The following SHROOM2 variants were observed in gnomAD, a reference collection of about 807,000 sequenced individuals.
The protein encoded by SHROOM2 is shroom family member 2.
A neutral mutation model predicts 75.9 loss-of-function variants in SHROOM2; 33 were observed. The ratio of observed to expected loss-of-function variants is 0.43; its 90% CI spans 0.33 to 0.58. SHROOM2 has a LOEUF of 0.58. Among genes scored for constraint, SHROOM2 ranks in the 20% least tolerant of loss-of-function variants. The pLI is 0.04. For missense variants in SHROOM2, 1,434 were observed against 1,461.2 expected, an observed-to-expected ratio of 0.98 and a Z score of 0.30; for synonymous variants, 655 against 663.6, an observed-to-expected ratio of 0.99 and a Z score of 0.20.
rs200219705 is a variant in SHROOM2, at chrX:9,932,308, C to T, written c.3025C>T (p.Arg1009Trp). The T allele has an allele frequency of 5.3e-5, 64 of 1,204,773 alleles. No individual in the cohort carries two copies. In the Middle Eastern group the frequency reaches 9.2e-4, roughly 17 times the overall value. The change falls in exon 6 of 10, where the codon CGG becomes TGG. Residue 1009 changes from arginine to tryptophan, a missense_variant. This residue lies in a region of SHROOM2 where 1,340 missense variants were observed against 1,338.3 expected (regional missense o/e 1.00). Transcript: ENST00000380913. ...RGAPELPREG[R>W]GRAGTLPRDY... is the part of the protein sequence containing the mutation. ...AGCCCCAGAGCTGCCCCGGGAGGGC[C>T]GGGGCCGAGCGGGAACCCTACCTCG...
At position 9,915,933 on chromosome X, in the gene SHROOM2, C is replaced by T. The variant is rs369241859; in HGVS notation, c.2892-16242C>T. On this transcript the variant is annotated intron_variant, in intron 5 of 9. Coordinates refer to ENST00000380913, the MANE Select transcript of SHROOM2 (RefSeq NM_001649.4). ...TCTCTTAATTTATGAAGCTGATATGCTATTCTAACTAGTTTTTAATATATC... is the reference window on the plus strand; with the variant it reads ...TCTCTTAATTTATGAAGCTGATATGTTATTCTAACTAGTTTTTAATATATC... Among the ~76,000 whole-genome samples, 34 of 111,739 alleles carry T rather than the reference C, an allele frequency of 3.0e-4. 1 individual carries two copies. Among genetic ancestry groups the T allele is most frequent in the African/African-American group, 1.1e-3 (34 of 30,738 alleles).
At chrX:9,864,545 G>A (rs1266031403) in intron 1 of SHROOM2, among the ~76,000 whole-genome samples, 2 of 111,310 alleles carry the variant, frequency 1.8e-5, no homozygotes, top group Non-Finnish European at 3.8e-5. Flanking sequence ...TAGGCCGGGC[G>A]CGGTGGCTCA....
intron 5 of SHROOM2, among the ~76,000 whole-genome samples, chrX:9,914,669 T>G (rs902686067): frequency 4.5e-5 from 5 of 111,890 alleles, no homozygotes; most frequent in Admixed American, 3.8e-4. Context: ...TATTTAAAAT[T>G]CCTGAAAGTT....
At chrX:9,799,956 C>T (rs965111550) in intron 1 of SHROOM2, among the ~76,000 whole-genome samples, 8 of 111,558 alleles carry the variant, frequency 7.2e-5, no homozygotes, top group Non-Finnish European at 1.5e-4. Flanking sequence ...CTTCCTTTAC[C>T]TTCTCTAATT....
intron 5 of SHROOM2, among the ~76,000 whole-genome samples, chrX:9,912,107 AACACACACACACAC>A (rs61080253): frequency 0.024 from 626 of 26,441 alleles, 20 homozygotes; most frequent in African/African-American, 0.065. Flanking sequence ...CCTTTCTCCA[AACACACACACACAC>A]ACACACACAC....
At chrX:9,865,736 A>AT (rs1294960036) in intron 1 of SHROOM2, among the ~76,000 whole-genome samples, 1 of 107,984 alleles carries the variant, frequency 9.3e-6, no homozygotes, top group Non-Finnish European at 1.9e-5. Flanking sequence ...AATTTTTTGT[A>AT]TTTTTAGTAG....
chrX:9,824,434 C>T (rs1402588503), intron 1 of SHROOM2, among the ~76,000 whole-genome samples: 1 of 110,898 alleles, frequency 9.0e-6, no homozygotes, highest in African/African-American at 3.3e-5. Context: ...GCCGAAACTC[C>T]GTCTCAAAAA....
At chrX:9,915,597 C>T (rs1393423051) in intron 5 of SHROOM2, among the ~76,000 whole-genome samples, 1 of 111,799 alleles carries the variant, frequency 8.9e-6, no homozygotes, top group Non-Finnish European at 1.9e-5. Flanking sequence ...CTGGCGGACC[C>T]TTAAATGTAC....
At chrX:9,946,079 G>A (rs62588892) in intron 9 of SHROOM2, among the ~76,000 whole-genome samples, 498 of 113,000 alleles carry the variant, frequency 4.4e-3, no homozygotes, top group Non-Finnish European at 7.7e-3. Context: ...GAACTAGCTA[G>A]GTCAGGGTGG....
chrX:9,867,513 G>A (rs914326273), intron 1 of SHROOM2, among the ~76,000 whole-genome samples: 6 of 111,657 alleles, frequency 5.4e-5, no homozygotes, highest in African/African-American at 2.0e-4. Context: ...GTCACTAATC[G>A]GTGCAGTGCC....
In SHROOM2 at chrX:9,939,203, A is replaced by G; in HGVS notation, c.4148A>G (p.Glu1383Gly). The G allele has an allele frequency of 2.5e-6, 3 of 1,203,760 alleles. No homozygotes were observed. Among genetic ancestry groups the G allele is most frequent in the Non-Finnish European group, 3.4e-6 (3 of 891,665 alleles). The change falls in exon 8 of 10, where the codon GAG (glutamate) becomes GGG (glycine). Residue 1383 changes from glutamate (E) to glycine (G), a missense_variant. Physicochemically the swap from Glu to Gly is moderately conservative, Grantham distance 98. This residue lies in a region of SHROOM2 where 1,340 missense variants were observed against 1,338.3 expected (regional missense o/e 1.00). Coordinates refer to ENST00000380913, the MANE Select transcript of SHROOM2 (RefSeq NM_001649.4). Reference protein sequence around the residue: ...SPRSTEERKEEPSVPAAVSLA... With the variant: ...SPRSTEERKEGPSVPAAVSLA... ...CCCACACCTTTACCCAGGAAAGAGGAGCCCAGCGTGCCTGCGGCCGTGTCC... is the reference window on the plus strand; with the variant it reads ...CCCACACCTTTACCCAGGAAAGAGGGGCCCAGCGTGCCTGCGGCCGTGTCC...
At chrX:9,907,399 C>T (rs759412808) in intron 5 of SHROOM2, among the ~76,000 whole-genome samples, 24 of 111,099 alleles carry the variant, frequency 2.2e-4, no homozygotes, top group Non-Finnish European at 4.0e-4. Context: ...ACCAGAGCAC[C>T]CTCCCGGCTC....
At chrX:9,913,819 T>C (rs1489719289) in intron 5 of SHROOM2, among the ~76,000 whole-genome samples, 1 of 112,132 alleles carries the variant, frequency 8.9e-6, no homozygotes, top group Non-Finnish European at 1.9e-5. Flanking sequence ...TGGAAAATAA[T>C]ATTTTAATGT....
chrX:9,898,333 G>A (rs1436440320), intron 5 of SHROOM2, 43 bp downstream of exon 5: 1 of 1,023,976 alleles, frequency 9.8e-7, no homozygotes, highest in South Asian at 2.1e-5. Flanking sequence ...AGGCGTCTGA[G>A]GGTGGGCTTC....
intron 1 of SHROOM2, among the ~76,000 whole-genome samples, chrX:9,792,586 A>T (rs1032836047): frequency 9.1e-6 from 1 of 109,698 alleles, no homozygotes; most frequent in Non-Finnish European, 1.9e-5. Flanking sequence ...GGCTGGGATT[A>T]TCTTTCTTTT....
At chrX:9,881,130 C>T (rs2084229426) in intron 2 of SHROOM2, among the ~76,000 whole-genome samples, 1 of 111,161 alleles carries the variant, frequency 9.0e-6, no homozygotes, top group African/African-American at 3.3e-5. Flanking sequence ...ACGTCCAGAC[C>T]ATGTTTTGGT....
intron 2 of SHROOM2, among the ~76,000 whole-genome samples, chrX:9,890,060 G>A (rs967695094): frequency 2.7e-5 from 3 of 112,728 alleles, no homozygotes; most frequent in African/African-American, 9.7e-5. Flanking sequence ...TATTTATGGA[G>A]GAACACATTT....
intron 3 of SHROOM2, 45 bp from the exon 4 acceptor site, chrX:9,894,313 G>A: frequency 8.6e-7 from 1 of 1,157,328 alleles, no homozygotes; most frequent in African/African-American, 1.8e-5. Flanking sequence ...TGCCATTGCT[G>A]TTGCTAAAGC....
intron 2 of SHROOM2, among the ~76,000 whole-genome samples, chrX:9,882,386 G>T (rs1022617368): frequency 2.7e-5 from 3 of 111,190 alleles, no homozygotes; most frequent in Admixed American, 9.6e-5. Context: ...CCAGGAAATT[G>T]TGTGGGTGCC....
Sources: allele counts gnomAD v4.1 joint callset (sites outside exome capture counted in the v4.1 genomes callset), GRCh38; gene constraint gnomAD v4.1.1; regional missense constraint gnomAD v4.1.1; transcripts MANE v1.5; gene names NCBI Gene and HGNC (gene_info 2026-07-23, HGNC 2026-07-21).